KIRREL3: variants seen among roughly 807,000 people sequenced by gnomAD.
The protein encoded by KIRREL3 is kin of IRRE-like protein 3.
In KIRREL3, 36 loss-of-function variants were observed where a neutral mutation model predicts 89.7. That is an observed-to-expected ratio of 0.40 (90% confidence interval 0.31 to 0.53). KIRREL3 has a LOEUF of 0.53. Among genes scored for constraint, KIRREL3 ranks in the 20% least tolerant of loss-of-function variants. The pLI is 0.49. For synonymous variants in KIRREL3, 445 were observed against 441.4 expected (o/e 1.01, Z -0.10); for missense variants, 864 against 1,056.6 (o/e 0.82, Z 2.53).
chr11:126,579,287 A>G lies in KIRREL3; in HGVS notation c.56-16375T>C, dbSNP rs1941419049. Among the ~76,000 whole-genome samples the G allele has an allele frequency of 6.6e-6, 1 of 152,000 alleles. No individual in the cohort carries two copies. Among genetic ancestry groups the G allele is most frequent in the Non-Finnish European group, 1.5e-5 (1 of 67,990 alleles). On this transcript the variant is annotated intron_variant, in intron 1 of 16. Coordinates refer to ENST00000525144, the MANE Select transcript of KIRREL3 (RefSeq NM_032531.4). This position sits in a 1 kb window ranked among gnomAD's most constrained non-coding sequence, Gnocchi z 5.3. ...CAAACGCAGGTGAGTATAAAATCCA[A>G]TTTCTTAAATTGCATCCAGGGCCAA...
chr11:126,559,559 A>AG (rs36118810), intron 2 of KIRREL3, among the ~76,000 whole-genome samples: 152,333 of 152,334 alleles, frequency 1, 76,166 homozygotes, highest in Middle Eastern at 1. Flanking sequence ...GTGCAGGGAG[A>AG]GGGTGTCTGT....
At chr11:126,512,444 C>T (rs1247558650) in intron 4 of KIRREL3, among the ~76,000 whole-genome samples, 1 of 152,166 alleles carries the variant, frequency 6.6e-6, no homozygotes, top group Non-Finnish European at 1.5e-5. Flanking sequence ...CAGTAGGGCA[C>T]CAGGACAGAG....
In KIRREL3 at chr11:126,906,697, A is replaced by T. The variant is rs1435806237; in HGVS notation, c.55+93758T>A. ...ATTAAACCCAGAAGATGTGAACTGCACGCATTATAAGGCAAATTAGATCCT... is the reference window on the plus strand; with the variant it reads ...ATTAAACCCAGAAGATGTGAACTGCTCGCATTATAAGGCAAATTAGATCCT... On this transcript the variant is annotated intron_variant, in intron 1 of 16. Coordinates refer to ENST00000525144, the MANE Select transcript of KIRREL3 (RefSeq NM_032531.4). The surrounding 1 kb of genome is among the most constrained non-coding windows in gnomAD (Gnocchi z 4.1). Among the ~76,000 whole-genome samples, 1 of 152,202 alleles carries T rather than the reference A, an allele frequency of 6.6e-6. No homozygotes were observed. The highest frequency in any genetic ancestry group is 2.4e-5 in the African/African-American group (1 of 41,436).
chr11:126,845,527 G>C (rs1483660793), intron 1 of KIRREL3, among the ~76,000 whole-genome samples: 1 of 152,010 alleles, frequency 6.6e-6, no homozygotes, highest in Non-Finnish European at 1.5e-5. Flanking sequence ...ATAGAATGAG[G>C]GCCTAGGACC....
rs751564463 is a variant in KIRREL3 at position 126,814,856 on chromosome 11, G to A, written c.55+185599C>T. Reference sequence around the variant, plus strand: ...CTGGGTGATGGTGGTGGGTTCATCGGTGCAGCGAACCACCATGGCACACGT... The same window carrying A: ...CTGGGTGATGGTGGTGGGTTCATCGATGCAGCGAACCACCATGGCACACGT... On this transcript the variant is annotated intron_variant, in intron 1 of 16. Transcript: ENST00000525144. The surrounding 1 kb of genome is among the most constrained non-coding windows in gnomAD (Gnocchi z 4.4). Among the ~76,000 whole-genome samples the A allele has an allele frequency of 6.6e-5, 10 of 152,138 alleles. No individual in the cohort carries two copies. Among genetic ancestry groups the A allele is most frequent in the Admixed American group, 2.0e-4 (3 of 15,278 alleles).
At chr11:126,649,826 AG>A (rs1210825140) in intron 1 of KIRREL3, among the ~76,000 whole-genome samples, 1 of 152,240 alleles carries the variant, frequency 6.6e-6, no homozygotes. Context: ...GTGCCCTAGT[AG>A]GGACTCTGTA....
chr11:126,582,213 T>C (rs1257869369), intron 1 of KIRREL3, among the ~76,000 whole-genome samples: 2 of 152,194 alleles, frequency 1.3e-5, no homozygotes, highest in East Asian at 3.9e-4. Context: ...GGGCATACTC[T>C]CAACTGAGCA....
In KIRREL3 at chr11:126,451,423, T is replaced by C. The variant is rs555230628; in HGVS notation, c.849-2266A>G. Among the ~76,000 whole-genome samples the C allele has an allele frequency of 2.0e-5, 3 of 149,360 alleles. No individual in the cohort carries two copies. The South Asian group carries it at 6.4e-4, about 32-fold the overall frequency. The stretch of plus-strand genomic sequence containing the variant: ...GCATGTGTGCATGTGTGTGCATGTG[T>C]GAGCGTGTGCATGTGTGTGTCCAAG... On this transcript the variant is annotated intron_variant, in intron 7 of 16. Coordinates refer to ENST00000525144, the MANE Select transcript of KIRREL3 (RefSeq NM_032531.4).
intron 8 of KIRREL3, among the ~76,000 whole-genome samples, chr11:126,448,020 C>T (rs1955890271): frequency 6.6e-6 from 1 of 152,166 alleles, no homozygotes; most frequent in Admixed American, 6.5e-5. Flanking sequence ...GGTGCGGTGG[C>T]TCATGCCTGT....
In KIRREL3 at chr11:126,742,277, GC is replaced by G. The variant is rs1277601460; in HGVS notation, c.56-179366del. 6.6e-6 allele frequency among the ~76,000 whole-genome samples: 1 copy of G among 152,186 alleles called. No homozygotes were observed. Among genetic ancestry groups the G allele is most frequent in the Non-Finnish European group, 1.5e-5 (1 of 68,034 alleles). ...TCTTGAGGATTTCCCAGAGAGTCTT[GC>G]TGTCTGTCTGTATGCAAGGGAAGTT... On this transcript the variant is annotated intron_variant, in intron 1 of 16. Coordinates refer to ENST00000525144, the MANE Select transcript of KIRREL3 (RefSeq NM_032531.4). The surrounding 1 kb of genome is among the most constrained non-coding windows in gnomAD (Gnocchi z 5.3).
intron 1 of KIRREL3, among the ~76,000 whole-genome samples, chr11:126,882,974 T>C (rs1202133521): frequency 2.6e-5 from 4 of 152,224 alleles, no homozygotes; most frequent in Non-Finnish European, 5.9e-5. Context: ...ATAGACCCAG[T>C]AGCTCTGCCT....
rs1958786948 is a variant in KIRREL3 at position 126,527,086 on chromosome 11, A to G, written c.134-399T>C. On this transcript the variant is annotated intron_variant, in intron 2 of 16. Coordinates refer to ENST00000525144, the MANE Select transcript of KIRREL3 (RefSeq NM_032531.4). The surrounding 1 kb of genome is among the most constrained non-coding windows in gnomAD (Gnocchi z 4.2). Reference sequence around the variant, plus strand: ...GAGAGAGAGAGAGAGACCTCTAGCTAGAAACATTCTGTGGTGGCTGTGTGT... The same window carrying G: ...GAGAGAGAGAGAGAGACCTCTAGCTGGAAACATTCTGTGGTGGCTGTGTGT... 6.6e-6 allele frequency among the ~76,000 whole-genome samples: 1 copy of G among 152,240 alleles called. No individual in the cohort carries two copies. The highest frequency in any genetic ancestry group is 1.5e-5 in the Non-Finnish European group (1 of 68,034).
chr11:126,643,394 T>A lies in KIRREL3; in HGVS notation c.56-80482A>T, dbSNP rs1011957860. Among the ~76,000 whole-genome samples the A allele has an allele frequency of 6.6e-6, 1 of 152,092 alleles. No homozygotes were observed. The highest frequency in any genetic ancestry group is 2.4e-5 in the African/African-American group (1 of 41,398). ...GCTAAAATTTACAGGAAGGATGGAATTTGAGATGGTCTTGAAGAGGATTTT... is the reference window on the plus strand; with the variant it reads ...GCTAAAATTTACAGGAAGGATGGAAATTGAGATGGTCTTGAAGAGGATTTT... On this transcript the variant is annotated intron_variant, in intron 1 of 16. Coordinates refer to ENST00000525144, the MANE Select transcript of KIRREL3 (RefSeq NM_032531.4). The surrounding 1 kb of genome is among the most constrained non-coding windows in gnomAD (Gnocchi z 4.5).
intron 1 of KIRREL3, among the ~76,000 whole-genome samples, chr11:126,816,266 T>C (rs1364933734): frequency 6.6e-6 from 1 of 152,262 alleles, no homozygotes; most frequent in East Asian, 1.9e-4. Flanking sequence ...GTATTCTTTA[T>C]AATTCAAATG....
At position 126,463,802 on chromosome 11, in the gene KIRREL3, G is replaced by A. The variant is rs1313636333; in HGVS notation, c.592-495C>T. Among the ~76,000 whole-genome samples, 1 of 152,138 alleles carries A rather than the reference G, an allele frequency of 6.6e-6. No homozygotes were observed. Among genetic ancestry groups the A allele is most frequent in the African/African-American group, 2.4e-5 (1 of 41,410 alleles). ...GGGAGTCAGAGTGGGTGGGGATATG[G>A]GCAGAATCAGTGCACATCAACCTTT... is the stretch of plus-strand genomic sequence containing the variant. On this transcript the variant is annotated intron_variant, in intron 5 of 16. Transcript: ENST00000525144. This position sits in a 1 kb window ranked among gnomAD's most constrained non-coding sequence, Gnocchi z 5.9.
At position 126,754,921 on chromosome 11, in the gene KIRREL3, C is replaced by T. The variant is rs1477171181; in HGVS notation, c.56-192009G>A. The stretch of plus-strand genomic sequence containing the variant: ...ATGCAGTGGGAATAATTTATTTCTT[C>T]TTCCTGGTGAGCAAATACACAGCAA... On this transcript the variant is annotated intron_variant, in intron 1 of 16. Coordinates refer to ENST00000525144, the MANE Select transcript of KIRREL3 (RefSeq NM_032531.4). The surrounding 1 kb of genome is among the most constrained non-coding windows in gnomAD (Gnocchi z 5.1). Among the ~76,000 whole-genome samples, 1 of 152,198 alleles carries T rather than the reference C, an allele frequency of 6.6e-6. No homozygotes were observed.
chr11:126,463,771 G>C lies in KIRREL3; in HGVS notation c.592-464C>G, dbSNP rs1372971061. Among the ~76,000 whole-genome samples the C allele has an allele frequency of 6.6e-6, 1 of 152,156 alleles. No individual in the cohort carries two copies. Among genetic ancestry groups the C allele is most frequent in the African/African-American group, 2.4e-5 (1 of 41,438 alleles). ...CAGTCTGCAGAGGAGGCACAGTTTG[G>C]GGAATGGGAGTCAGAGTGGGTGGGG... On this transcript the variant is annotated intron_variant, in intron 5 of 16. Coordinates refer to ENST00000525144, the MANE Select transcript of KIRREL3 (RefSeq NM_032531.4). This position sits in a 1 kb window ranked among gnomAD's most constrained non-coding sequence, Gnocchi z 5.9.
chr11:126,448,212 G>A (rs991745211), intron 8 of KIRREL3, among the ~76,000 whole-genome samples: 1 of 149,210 alleles, frequency 6.7e-6, no homozygotes, highest in Non-Finnish European at 1.5e-5. Flanking sequence ...GAACCAGGGA[G>A]TTGGAGGTTG....
Position 126,526,725 on chromosome 11 carries a change from G to A in KIRREL3, c.134-38C>T, listed in dbSNP as rs186813781. ...CAAACACAATGGTCAGTTATCTGCC[G>A]GCTACAGGGGCGAGAAGGCTCCCCT... is the stretch of plus-strand genomic sequence containing the variant. On this transcript the variant is annotated intron_variant, in intron 2 of 16. Transcript: ENST00000525144. This position sits in a 1 kb window ranked among gnomAD's most constrained non-coding sequence, Gnocchi z 5.7. 5,618 of 1,538,616 alleles carry A rather than the reference G, an allele frequency of 3.7e-3. 18 individuals are homozygous for A. Among genetic ancestry groups the A allele is most frequent in the Non-Finnish European group, 4.5e-3 (5,106 of 1,136,342 alleles).
Sources: allele counts gnomAD v4.1 joint callset (sites outside exome capture counted in the v4.1 genomes callset), GRCh38; gene constraint gnomAD v4.1.1; non-coding constraint Gnocchi (gnomAD v3.1); transcripts MANE v1.5; gene names NCBI Gene and HGNC (gene_info 2026-07-23, HGNC 2026-07-21).